Variants in CCDC171 observed in about 807,000 individuals in gnomAD.
CCDC171 encodes coiled-coil domain-containing protein 171.
CCDC171 carries 177 observed loss-of-function variants against 168.2 expected under a neutral mutation model. That is an observed-to-expected ratio of 1.05 (90% confidence interval 0.93 to 1.19). The LOEUF (loss-of-function observed/expected upper bound fraction) is 1.19. Ranked by LOEUF, CCDC171 falls within the 50% of genes most tolerant of loss-of-function variation. The probability of loss-of-function intolerance (pLI) is 0.00; values close to 1 mark genes in which losing one functional copy is unlikely to be tolerated. For synonymous variants in CCDC171, 687 were observed against 540.8 expected (o/e 1.27, Z -3.75); for missense variants, 1,991 against 1,539.0 (o/e 1.29, Z -4.91).
At chr9:16,067,993 A>G in the CCDC171 span, among the ~76,000 whole-genome samples, 12 of 151,830 alleles carry the variant, frequency 7.9e-5, no homozygotes, top group East Asian at 1.4e-3. Context: ...AAGGTATTCA[A>G]TTAGGAAAAG....
intron 24 of CCDC171, among the ~76,000 whole-genome samples, chr9:15,914,347 G>T (rs1178595656): frequency 1.3e-5 from 2 of 152,204 alleles, no homozygotes; most frequent in Admixed American, 1.3e-4. Flanking sequence ...TCCCTGCCCA[G>T]AGAGGAGGAG....
chr9:15,899,226 T>C (rs895291798), intron 24 of CCDC171, among the ~76,000 whole-genome samples: 1 of 152,228 alleles, frequency 6.6e-6, no homozygotes, highest in African/African-American at 2.4e-5. Flanking sequence ...ACAGTTTGTT[T>C]AGCCATTCAT....
chr9:15,688,827 C>T (rs1175865362), intron 10 of CCDC171, among the ~76,000 whole-genome samples: 1 of 151,998 alleles, frequency 6.6e-6, no homozygotes, highest in Non-Finnish European at 1.5e-5. Flanking sequence ...CATGTCTGTT[C>T]AACATTTTAC....
chr9:15,672,289 A>G (rs1386649373), intron 9 of CCDC171, among the ~76,000 whole-genome samples: 1 of 152,146 alleles, frequency 6.6e-6, no homozygotes, highest in African/African-American at 2.4e-5. Context: ...ATTTTCTCCC[A>G]TTCTGTAAGT....
At chr9:15,620,165 A>G (rs140702547) in intron 6 of CCDC171, among the ~76,000 whole-genome samples, 2 of 152,364 alleles carry the variant, frequency 1.3e-5, no homozygotes, top group East Asian at 1.9e-4. Flanking sequence ...ACATGCATCA[A>G]TGAAGAATTT....
At chr9:16,082,392 A>G in the CCDC171 span, among the ~76,000 whole-genome samples, 4 of 152,156 alleles carry the variant, frequency 2.6e-5, no homozygotes, top group Non-Finnish European at 5.9e-5. Flanking sequence ...CAAGTTTTAG[A>G]TGTTCGGTCT....
At chr9:15,798,824 G>A (rs1047552863) in intron 21 of CCDC171, among the ~76,000 whole-genome samples, 1 of 151,954 alleles carries the variant, frequency 6.6e-6, no homozygotes, top group African/African-American at 2.4e-5. Flanking sequence ...ACTTTATAAA[G>A]TCTCTGCTAT....
In CCDC171 at chr9:15,972,127, A is replaced by T; in HGVS notation, c.*291A>T. The T allele has an allele frequency of 2.7e-6, 1 of 365,256 alleles. No homozygotes were observed. Among genetic ancestry groups the T allele is most frequent in the East Asian group, 5.6e-5 (1 of 17,990 alleles). The allele number at this position is 365,256 out of a possible 1,614,324, so 22.6% of individuals were successfully genotyped here. Reference sequence around the variant, plus strand: ...AATTTCCCTCAGACTTAAAAAAATCAATAAGCCATTTTAGTCTCTATCTAT... The same window carrying T: ...AATTTCCCTCAGACTTAAAAAAATCTATAAGCCATTTTAGTCTCTATCTAT... On this transcript the variant is annotated 3_prime_UTR_variant, in exon 26 of 26. Coordinates refer to ENST00000380701, the MANE Select transcript of CCDC171 (RefSeq NM_173550.4).
chr9:15,683,428 A>G (rs2050171351), intron 10 of CCDC171, among the ~76,000 whole-genome samples: 1 of 152,078 alleles, frequency 6.6e-6, no homozygotes, highest in African/African-American at 2.4e-5. Flanking sequence ...GGAGGTTTTC[A>G]AAACTAATGG....
At chr9:16,048,438 C>A (rs1833695544) in intron 1 of CCDC171, among the ~76,000 whole-genome samples, 1 of 152,142 alleles carries the variant, frequency 6.6e-6, no homozygotes, top group African/African-American at 2.4e-5. Context: ...TGAAGTGGGG[C>A]CAGCCAATGC....
chr9:15,880,543 C>T (rs1163635699), intron 24 of CCDC171, among the ~76,000 whole-genome samples: 1 of 151,520 alleles, frequency 6.6e-6, no homozygotes, highest in African/African-American at 2.4e-5. Context: ...TCCAACCTCC[C>T]GCAACCGGGT....
At chr9:15,651,487 C>T (rs1459623130) in intron 7 of CCDC171, among the ~76,000 whole-genome samples, 1 of 151,934 alleles carries the variant, frequency 6.6e-6, no homozygotes, top group African/African-American at 2.4e-5. Context: ...GAACTCCTGA[C>T]CTCAAGCAAT....
In CCDC171 at chr9:15,769,483, T is replaced by G. The variant is rs145985480; in HGVS notation, c.2672-8117T>G. On this transcript the variant is annotated intron_variant, in intron 18 of 25. Transcript: ENST00000380701. ...CTTGTTTCACTATCTGCCAACAGAA[T>G]TTTGACAGTTCCTTCAATTATGAAT... 2.4e-4 allele frequency among the ~76,000 whole-genome samples: 36 copies of G among 152,334 alleles called. No individual in the cohort carries two copies. The East Asian group carries it at 6.9e-3, about 29-fold the overall frequency.
At chr9:15,932,294 A>T (rs1451436001) in intron 25 of CCDC171, among the ~76,000 whole-genome samples, 1 of 151,696 alleles carries the variant, frequency 6.6e-6, no homozygotes, top group African/African-American at 2.4e-5. Context: ...TTTTATTAAA[A>T]TGTTATAGTG....
chr9:15,812,132 A>G (rs983527057), intron 21 of CCDC171, among the ~76,000 whole-genome samples: 2 of 152,192 alleles, frequency 1.3e-5, no homozygotes, highest in African/African-American at 4.8e-5. Flanking sequence ...TGTGACCAAA[A>G]TAAAAGGGAC....
At chr9:16,081,346 G>T in the CCDC171 span, among the ~76,000 whole-genome samples, 5 of 152,174 alleles carry the variant, frequency 3.3e-5, no homozygotes, top group African/African-American at 1.2e-4. Flanking sequence ...TACTGGTCAG[G>T]GCTTAAGACA....
intron 25 of CCDC171, among the ~76,000 whole-genome samples, chr9:15,959,640 C>T (rs574702527): frequency 6.6e-6 from 1 of 151,962 alleles, no homozygotes; most frequent in Non-Finnish European, 1.5e-5. Context: ...AAGTCTAGGC[C>T]TTTTTGAAAC....
At chr9:15,833,891 A>C (rs1192902381) in intron 21 of CCDC171, among the ~76,000 whole-genome samples, 1 of 152,192 alleles carries the variant, frequency 6.6e-6, no homozygotes, top group Non-Finnish European at 1.5e-5. Context: ...CAGAGCTAGT[A>C]ATTAGTGGAG....
Position 15,926,309 on chromosome 9 carries a change from C to G in CCDC171, c.3753+5887C>G, listed in dbSNP as rs368225615. ...TAGGAAATGTATTGTTATTTTAGTT[C>G]CATTCCCCCTCTTAATTAAAGCCAC... On this transcript the variant is annotated intron_variant, in intron 25 of 25. Coordinates refer to ENST00000380701, the MANE Select transcript of CCDC171 (RefSeq NM_173550.4). Among the ~76,000 whole-genome samples the G allele has an allele frequency of 4.0e-5, 6 of 151,406 alleles. No homozygotes were observed. In the East Asian group the frequency reaches 7.8e-4, roughly 20 times the overall value.
Sources: allele counts gnomAD v4.1 joint callset (sites outside exome capture counted in the v4.1 genomes callset), GRCh38; gene constraint gnomAD v4.1.1; transcripts MANE v1.5; gene names NCBI Gene and HGNC (gene_info 2026-07-23, HGNC 2026-07-21).